Variants in RIMS1 observed in about 807,000 individuals in gnomAD.
The protein encoded by RIMS1 is regulating synaptic membrane exocytosis 1, also known as regulating synaptic membrane exocytosis protein 1.
RIMS1 carries 83 observed loss-of-function variants against 214.1 expected under a neutral mutation model. The ratio of observed to expected loss-of-function variants is 0.39; its 90% confidence interval spans 0.32 to 0.47. RIMS1 has a LOEUF of 0.47. RIMS1 is among the 20% of genes least tolerant of loss of function. The pLI is 0.99. For missense variants in RIMS1, 2,050 were observed against 2,161.8 expected (o/e 0.95, Z 1.03); for synonymous variants, 793 against 786.8 (o/e 1.01, Z -0.13).
rs141114143 is a variant in RIMS1 at position 72,364,525 on chromosome 6, C to A, written c.4367-26073C>A. ...TCAATTGACTAATTCATGAAAAATTCTCTTATCTTTCTCAAATATTGGCTA... is the reference window on the plus strand; with the variant it reads ...TCAATTGACTAATTCATGAAAAATTATCTTATCTTTCTCAAATATTGGCTA... On this transcript the variant is annotated intron_variant, in intron 29 of 33. Transcript: ENST00000521978. 6.6e-5 allele frequency among the ~76,000 whole-genome samples: 10 copies of A among 152,238 alleles called. No homozygotes were observed. In the East Asian group the frequency reaches 1.7e-3, roughly 26 times the overall value.
intron 2 of RIMS1, among the ~76,000 whole-genome samples, chr6:71,972,938 C>T (rs776189345): frequency 7.9e-5 from 12 of 152,090 alleles, no homozygotes; most frequent in South Asian, 2.1e-4. Flanking sequence ...TTTTTTGAGA[C>T]GGAGTCTTGC....
intron 4 of RIMS1, chr6:72,156,187 T>A: frequency 5.6e-6 from 1 of 177,730 alleles, no homozygotes; most frequent in East Asian, 1.6e-4. Flanking sequence ...ACTGTGGTGT[T>A]ATTCACAATA....
intron 2 of RIMS1, among the ~76,000 whole-genome samples, chr6:72,045,592 A>T (rs2152109391): frequency 6.6e-6 from 1 of 152,158 alleles, no homozygotes; most frequent in African/African-American, 2.4e-5. Context: ...TGCTTTTGTT[A>T]TATTGACAAA....
intron 1 of RIMS1, among the ~76,000 whole-genome samples, chr6:71,960,902 AT>A (rs908478621): frequency 5.3e-5 from 8 of 150,184 alleles, no homozygotes; most frequent in East Asian, 2.0e-4. Flanking sequence ...TGAAAAAAAA[AT>A]TTTTTTTTTG....
At chr6:72,185,321 A>G (rs1334150512) in intron 6 of RIMS1, among the ~76,000 whole-genome samples, 1 of 152,178 alleles carries the variant, frequency 6.6e-6, no homozygotes, top group African/African-American at 2.4e-5. Flanking sequence ...CATGAAAGCC[A>G]TCAGACCCAA....
intron 11 of RIMS1, among the ~76,000 whole-genome samples, chr6:72,246,629 A>G (rs1300000472): frequency 6.6e-6 from 1 of 152,152 alleles, no homozygotes; most frequent in Admixed American, 6.6e-5. Flanking sequence ...GAAAATATGA[A>G]AGTAGGATAA....
At chr6:72,002,648 G>A (rs1805685363) in intron 2 of RIMS1, among the ~76,000 whole-genome samples, 2 of 152,152 alleles carry the variant, frequency 1.3e-5, no homozygotes, top group East Asian at 3.9e-4. Context: ...TGTGCATTCA[G>A]AAACAAGATC....
chr6:72,265,865 G>T, intron 21 of RIMS1, 95 bp from the exon 22 acceptor site: 1 of 790,356 alleles, frequency 1.3e-6, no homozygotes, highest in East Asian at 2.7e-5. Flanking sequence ...GTGTAAAGGG[G>T]ACATTATTTT....
At chr6:72,181,188 A>G (rs2153968760) in intron 5 of RIMS1, among the ~76,000 whole-genome samples, 1 of 152,346 alleles carries the variant, frequency 6.6e-6, no homozygotes, top group African/African-American at 2.4e-5. Context: ...GGCAATATGT[A>G]TAGTATTTTG....
intron 4 of RIMS1, among the ~76,000 whole-genome samples, chr6:72,136,931 TTAA>T (rs1388520429): frequency 6.6e-6 from 1 of 151,980 alleles, no homozygotes; most frequent in African/African-American, 2.4e-5. Flanking sequence ...TAAAACTATA[TTAA>T]TAAAAATCAA....
chr6:72,068,804 G>A (rs527928372), intron 2 of RIMS1, among the ~76,000 whole-genome samples: 69 of 152,014 alleles, frequency 4.5e-4, no homozygotes, highest in African/African-American at 1.6e-3. Flanking sequence ...CCAGCTACTC[G>A]GGAGGCTGAG....
chr6:72,002,541 T>C (rs1805626660), intron 2 of RIMS1, among the ~76,000 whole-genome samples: 1 of 152,070 alleles, frequency 6.6e-6, no homozygotes, highest in South Asian at 2.1e-4. Context: ...GCCACAGTGC[T>C]CCTATAAGCA....
intron 23 of RIMS1, among the ~76,000 whole-genome samples, chr6:72,278,201 A>C (rs2087801297): frequency 6.6e-6 from 1 of 151,856 alleles, no homozygotes; most frequent in African/African-American, 2.4e-5. Flanking sequence ...CTATCTATAT[A>C]TGATTTTTAA....
chr6:72,054,551 C>A (rs117123327), intron 2 of RIMS1, among the ~76,000 whole-genome samples: 12,302 of 152,134 alleles, frequency 0.081, 538 homozygotes, highest in African/African-American at 0.1. Context: ...CGACAGTGTA[C>A]AAGCGTTCCT....
In RIMS1 at chr6:72,291,962, TCTC is replaced by T. The variant is rs770905736; in HGVS notation, c.3771_3773del (p.Pro1258del). On this transcript the variant is annotated inframe_deletion, in exon 26 of 34. Coordinates refer to ENST00000521978, the MANE Select transcript of RIMS1 (RefSeq NM_014989.7). Reference sequence around the variant, plus strand: ...GCACCGACAGAGAAGTCCAACACAATCTCCTCCAGCAGACACATCGTTCAGCAG... The same window carrying T: ...GCACCGACAGAGAAGTCCAACACAATCTCCAGCAGACACATCGTTCAGCAG... The T allele has an allele frequency of 1.3e-6, 2 of 1,562,330 alleles. No individual in the cohort carries two copies. Among genetic ancestry groups the T allele is most frequent in the African/African-American group, 1.4e-5 (1 of 73,370 alleles).
intron 2 of RIMS1, among the ~76,000 whole-genome samples, chr6:72,095,842 G>T (rs2031442768): frequency 6.6e-6 from 1 of 152,170 alleles, no homozygotes; most frequent in Non-Finnish European, 1.5e-5. Context: ...GTGTCCTAGG[G>T]AATACTCAAA....
chr6:72,234,531 T>C (rs2063285886), intron 7 of RIMS1, among the ~76,000 whole-genome samples: 1 of 152,060 alleles, frequency 6.6e-6, no homozygotes, highest in Non-Finnish European at 1.5e-5. Context: ...GTGGTCCATT[T>C]GTTACAACTG....
chr6:72,203,279 G>A (rs762929175), intron 6 of RIMS1, among the ~76,000 whole-genome samples: 3 of 152,108 alleles, frequency 2.0e-5, no homozygotes, highest in East Asian at 1.9e-4. Flanking sequence ...GAGCCACCGC[G>A]CCTGGCCCCA....
rs77066986 is a variant in RIMS1 at position 72,176,341 on chromosome 6, A to T, written c.472-3234A>T. Among the ~76,000 whole-genome samples, 364 of 152,312 alleles carry T rather than the reference A, an allele frequency of 2.4e-3. 1 individual carries two copies. Among genetic ancestry groups the T allele is most frequent in the Middle Eastern group, 0.02 (6 of 294 alleles). On this transcript the variant is annotated intron_variant, in intron 4 of 33. Transcript: ENST00000521978. ...TCCCTACAGCACTCTTGTATTATCT[A>T]TAGCTTCAGGCAAATATAATACTTA...
Sources: allele counts gnomAD v4.1 joint callset (sites outside exome capture counted in the v4.1 genomes callset), GRCh38; gene constraint gnomAD v4.1.1; transcripts MANE v1.5; gene names NCBI Gene and HGNC (gene_info 2026-07-23, HGNC 2026-07-21).